Variants in CNBD1 observed in about 807,000 individuals in gnomAD.
CNBD1 encodes cyclic nucleotide binding domain containing 1.
Under a neutral mutation model 54.4 loss-of-function variants are expected in CNBD1, and 71 were observed. The ratio of observed to expected loss-of-function variants is 1.30; its 90% CI spans 1.08 to 1.59. CNBD1 has a LOEUF of 1.59. CNBD1 is among the 40% of genes most tolerant of loss of function. The probability of loss-of-function intolerance (pLI) is 0.00; values close to 1 mark genes in which losing one functional copy is unlikely to be tolerated. For synonymous variants in CNBD1, 182 were observed against 170.7 expected, an observed-to-expected ratio of 1.07 and a Z score of -0.51; for missense variants, 659 against 518.0, an observed-to-expected ratio of 1.27 and a Z score of -2.64.
chr8:87,421,412 T>C (rs1318939660), intron 2 of CNBD1, among the ~76,000 whole-genome samples: 1 of 135,242 alleles, frequency 7.4e-6, no homozygotes, highest in Non-Finnish European at 1.6e-5. Context: ...CTCCCAATGC[T>C]CTCCCTCCCC....
intron 1 of CNBD1, among the ~76,000 whole-genome samples, chr8:86,886,714 G>A (rs556390751): frequency 2.0e-5 from 3 of 152,190 alleles, no homozygotes; most frequent in Non-Finnish European, 4.4e-5. Flanking sequence ...ACTTTTTAAC[G>A]TTTGAGAAAT....
chr8:87,406,403 T>A (rs376873571), intron 2 of CNBD1, among the ~76,000 whole-genome samples: 6 of 150,410 alleles, frequency 4.0e-5, no homozygotes, highest in African/African-American at 1.5e-4. Context: ...TTAAATATAT[T>A]CATTCACTAG....
Position 87,406,850 on chromosome 8 carries a change from G to A in CNBD1, c.214-21696G>A, listed in dbSNP as rs187968094. ...TGGCTGCCCATAGCCCACAGCCCCA[G>A]ACTGAGAACTAGGGTATAAACCAGA... is the stretch of plus-strand genomic sequence containing the variant. On this transcript the variant is annotated intron_variant, in intron 2 of 7. Coordinates refer to the CNBD1 transcript ENST00000521593. Among the ~76,000 whole-genome samples the A allele has an allele frequency of 3.9e-3, 596 of 152,200 alleles. 11 individuals are homozygous for A. The highest frequency in any genetic ancestry group is 2.6e-3 in the Non-Finnish European group (174 of 68,004).
intron 4 of CNBD1, among the ~76,000 whole-genome samples, chr8:87,132,136 A>C (rs1812129768): frequency 6.6e-6 from 1 of 151,844 alleles, no homozygotes; most frequent in South Asian, 2.1e-4. Context: ...CCATTTTTTC[A>C]ACACCTAAAA....
intron 2 of CNBD1, among the ~76,000 whole-genome samples, chr8:87,428,165 A>AG (rs1420134331): frequency 6.6e-6 from 1 of 151,716 alleles, no homozygotes; most frequent in Non-Finnish European, 1.5e-5. Flanking sequence ...AAAAAAAAAA[A>AG]GTCAGAAAAA....
At chr8:87,353,248 T>G (rs1022892845) in intron 9 of CNBD1, among the ~76,000 whole-genome samples, 3 of 152,222 alleles carry the variant, frequency 2.0e-5, no homozygotes, top group Non-Finnish European at 2.9e-5. Context: ...TTCTTCCCTG[T>G]GGGTTCAACA....
At chr8:87,053,151 G>T (rs1810345935) in intron 4 of CNBD1, among the ~76,000 whole-genome samples, 2 of 152,172 alleles carry the variant, frequency 1.3e-5, no homozygotes, top group South Asian at 4.1e-4. Flanking sequence ...TAAAGAGCTG[G>T]ATCAATTGTG....
chr8:87,144,140 A>T (rs1290893902), intron 4 of CNBD1, among the ~76,000 whole-genome samples: 2 of 152,232 alleles, frequency 1.3e-5, no homozygotes. Context: ...AGAGAAGCTG[A>T]ATTTGAAATT....
chr8:87,029,538 A>G (rs1176218397), intron 4 of CNBD1, among the ~76,000 whole-genome samples: 1 of 152,176 alleles, frequency 6.6e-6, no homozygotes, highest in Non-Finnish European at 1.5e-5. Flanking sequence ...TAGAAAGGTA[A>G]TAAAATCTAA....
At chr8:87,351,645 G>A (rs1357775058) in intron 8 of CNBD1, 40 bp from the exon 9 acceptor site, 1 of 1,429,410 alleles carries the variant, frequency 7.0e-7, no homozygotes, top group Non-Finnish European at 9.2e-7. Context: ...ATTTATTAAA[G>A]ACAAGAATGT....
chr8:87,033,373 A>G (rs1222627408), intron 4 of CNBD1, among the ~76,000 whole-genome samples: 3 of 152,300 alleles, frequency 2.0e-5, no homozygotes, highest in East Asian at 1.9e-4. Context: ...TTCAATAACA[A>G]TAGAGCTTTA....
intron 4 of CNBD1, among the ~76,000 whole-genome samples, chr8:87,017,621 A>G (rs1343106234): frequency 6.6e-6 from 1 of 152,226 alleles, no homozygotes; most frequent in Non-Finnish European, 1.5e-5. Flanking sequence ...AGGAGTTGCT[A>G]AACTCCAGTG....
At chr8:87,311,430 T>C (rs1330224830) in intron 8 of CNBD1, among the ~76,000 whole-genome samples, 2 of 152,056 alleles carry the variant, frequency 1.3e-5, no homozygotes, top group African/African-American at 2.4e-5. Context: ...ATGGCTATTA[T>C]TAAAAAGTCA....
At chr8:87,172,409 C>T (rs1813107438) in intron 4 of CNBD1, among the ~76,000 whole-genome samples, 1 of 151,956 alleles carries the variant, frequency 6.6e-6, no homozygotes. Context: ...GCAGACTAAA[C>T]CCGATCTTTC....
intron 5 of CNBD1, among the ~76,000 whole-genome samples, chr8:87,236,587 G>A (rs185787476): frequency 3.0e-4 from 45 of 151,654 alleles, no homozygotes; most frequent in Non-Finnish European, 4.7e-4. Flanking sequence ...ACATTCAAGG[G>A]CTTTTCTGGT....
intron 4 of CNBD1, among the ~76,000 whole-genome samples, chr8:87,013,050 C>T (rs1047267469): frequency 6.6e-5 from 10 of 152,156 alleles, no homozygotes; most frequent in African/African-American, 1.2e-4. Flanking sequence ...GAGAGGCTGG[C>T]GCCTAATGTG....
chr8:87,128,819 C>A (rs1012546843), intron 4 of CNBD1, among the ~76,000 whole-genome samples: 1 of 150,974 alleles, frequency 6.6e-6, no homozygotes, highest in African/African-American at 2.4e-5. Flanking sequence ...TGCAGTGGCT[C>A]ATGCCTTTAA....
In CNBD1 at chr8:87,321,036, G is replaced by C. The variant is rs754031843; in HGVS notation, c.1043-30649G>C. 4.7e-4 allele frequency among the ~76,000 whole-genome samples: 72 copies of C among 152,124 alleles called. 1 individual carries two copies. The highest frequency in any genetic ancestry group is 1.3e-4 in the Non-Finnish European group (9 of 68,028). On this transcript the variant is annotated intron_variant, in intron 8 of 10. Coordinates refer to ENST00000518476, the MANE Select transcript of CNBD1 (RefSeq NM_173538.3). The stretch of plus-strand genomic sequence containing the variant: ...TGCATCCATGTTGCAGAATATGAGA[G>C]TAATTCCTTCTTATTTATAGATGAA...
intron 6 of CNBD1, among the ~76,000 whole-genome samples, chr8:87,268,056 C>T (rs1359744142): frequency 6.6e-6 from 1 of 152,010 alleles, no homozygotes. Flanking sequence ...TCCCATCACC[C>T]AGGTAGTGAG....
Sources: gnomAD v4.1 joint callset for allele counts (sites outside exome capture counted in the v4.1 genomes callset) on GRCh38, gnomAD v4.1.1 for gene constraint, MANE v1.5 for transcripts, NCBI Gene and HGNC (gene_info 2026-07-23, HGNC 2026-07-21) for gene names.